Variants in ABR observed in about 807,000 individuals in gnomAD.
The protein encoded by ABR is ABR activator of RhoGEF and GTPase.
Under a neutral mutation model 107.2 loss-of-function variants are expected in ABR, and 35 were observed. That is an observed-to-expected ratio of 0.33 (90% CI 0.25 to 0.43). The LOEUF (loss-of-function observed/expected upper bound fraction) is 0.43, where lower values mean the gene tolerates loss of function less well. ABR is among the 20% of genes least tolerant of loss of function. The pLI is 1.00. For missense variants in ABR, 815 were observed against 1,115.2 expected, an observed-to-expected ratio of 0.73 and a Z score of 3.83; for synonymous variants, 498 against 462.0, an observed-to-expected ratio of 1.08 and a Z score of -1.00.
chr17:1,203,702 C>A (rs2042731890), intron 1 of ABR, among the ~76,000 whole-genome samples: 1 of 152,132 alleles, frequency 6.6e-6, no homozygotes, highest in Non-Finnish European at 1.5e-5. Context: ...CCTTCAGGGC[C>A]CGGGTCGTGT....
chr17:1,072,819 A>C (rs2035351406), intron 7 of ABR, 65 bp from the exon 8 acceptor site: 1 of 1,558,272 alleles, frequency 6.4e-7, no homozygotes, highest in Admixed American at 2.0e-5. Context: ...GCCACCGGGG[A>C]GTGCTCAGTC....
chr17:1,048,885 C>T (rs1186271485), intron 16 of ABR, among the ~76,000 whole-genome samples: 2 of 152,250 alleles, frequency 1.3e-5, no homozygotes, highest in African/African-American at 4.8e-5. Flanking sequence ...GGCTCAACCT[C>T]AGTACGGGTC....
At chr17:1,060,243 T>C (rs1473259048) in intron 10 of ABR, among the ~76,000 whole-genome samples, 4 of 152,016 alleles carry the variant, frequency 2.6e-5, no homozygotes, top group Admixed American at 6.6e-5. Context: ...AAACTCCGTC[T>C]CTACTAAAAA....
intron 21 of ABR, among the ~76,000 whole-genome samples, chr17:1,007,784 C>T (rs530108434): frequency 5.3e-5 from 8 of 152,350 alleles, no homozygotes; most frequent in South Asian, 4.1e-4. Context: ...ATTTGAACCC[C>T]GGTAGCTGCC....
intron 10 of ABR, among the ~76,000 whole-genome samples, chr17:1,065,789 AG>A (rs2034668031): frequency 7.5e-6 from 1 of 133,740 alleles, no homozygotes; most frequent in Admixed American, 9.0e-5. Context: ...TCTGTTGCTC[AG>A]GCTGGAGTGC....
chr17:1,049,563 C>T (rs1334709287), intron 16 of ABR, among the ~76,000 whole-genome samples: 1 of 152,168 alleles, frequency 6.6e-6, no homozygotes, highest in Non-Finnish European at 1.5e-5. Flanking sequence ...GGTCCGGCCA[C>T]CCTAACAACA....
At chr17:1,171,697 C>T (rs753910471) in intron 1 of ABR, among the ~76,000 whole-genome samples, 5 of 152,106 alleles carry the variant, frequency 3.3e-5, no homozygotes, top group Admixed American at 6.6e-5. Flanking sequence ...TTTGGGAGGC[C>T]GAGGTGGGCG....
chr17:1,075,266 G>A (rs1347426170), intron 6 of ABR, among the ~76,000 whole-genome samples: 1 of 152,240 alleles, frequency 6.6e-6, no homozygotes, highest in African/African-American at 2.4e-5. Flanking sequence ...CTGTCCCTGG[G>A]GTCATGACCT....
At chr17:1,019,877 C>A (rs541778635) in intron 16 of ABR, among the ~76,000 whole-genome samples, 3 of 152,290 alleles carry the variant, frequency 2.0e-5, no homozygotes, top group African/African-American at 7.2e-5. Context: ...GTCTGATCAC[C>A]TGAAGCAGGG....
At position 1,015,125 on chromosome 17, in the gene ABR, T is replaced by C. The variant is rs1004104615; in HGVS notation, c.1792-1961A>G. ...TAGTACCATGATTGGCAGTACATAA[T>C]TAAAAAGACAGCCAGGCACGGTGGC... On this transcript the variant is annotated intron_variant, in intron 16 of 22. Coordinates refer to ENST00000302538, the MANE Select transcript of ABR (RefSeq NM_021962.5). 2.6e-5 allele frequency among the ~76,000 whole-genome samples: 4 copies of C among 151,926 alleles called. No individual in the cohort carries two copies. The East Asian group carries it at 7.9e-4, about 30-fold the overall frequency.
At chr17:1,131,430 ACG>A (rs1258409389) in intron 1 of ABR, among the ~76,000 whole-genome samples, 3 of 37,936 alleles carry the variant, frequency 7.9e-5, no homozygotes, top group African/African-American at 2.0e-4. Context: ...AGTGCCTGCC[ACG>A]CGCACAGCTC....
At chr17:1,054,251 C>T (rs2032945518) in intron 14 of ABR, among the ~76,000 whole-genome samples, 1 of 152,236 alleles carries the variant, frequency 6.6e-6, no homozygotes, top group Non-Finnish European at 1.5e-5. Flanking sequence ...CGTCCACACG[C>T]CAGCCATGTT....
At position 1,078,723 on chromosome 17, in the gene ABR, C is replaced by G; in HGVS notation, c.700+607G>C. 7.2e-7 allele frequency: 1 copy of G among 1,383,576 alleles called. No homozygotes were observed. Among genetic ancestry groups the G allele is most frequent in the Non-Finnish European group, 9.8e-7 (1 of 1,018,480 alleles). 85.7% of individuals were successfully genotyped at this position (1,383,576 alleles called of 1,614,324 possible). On this transcript the variant is annotated intron_variant, in intron 6 of 22. Coordinates refer to ENST00000302538, the MANE Select transcript of ABR (RefSeq NM_021962.5). The surrounding 1 kb of genome is among the most constrained non-coding windows in gnomAD (Gnocchi z 7.5). ...TCGCCCACCCTCCTTCCCTGCGGCC[C>G]TCTAACCTCCCCGGCCACATCTAAG...
At chr17:1,108,693 C>A (rs1447679111) in intron 2 of ABR, among the ~76,000 whole-genome samples, 1 of 152,208 alleles carries the variant, frequency 6.6e-6, no homozygotes, top group Non-Finnish European at 1.5e-5. Context: ...TGACTCCTGG[C>A]ACAGCCGCCG....
Position 1,194,550 on chromosome 17 carries a change from G to A in ABR, c.838+34243C>T, listed in dbSNP as rs1423177449. On this transcript the variant is annotated intron_variant, in intron 1 of 22. Transcript: ENST00000574139. Reference sequence around the variant, plus strand: ...TCTATCGCCCAGACTGGAGTGTAGTGGTGCAATCATAGCTCACTACAGTCT... The same window carrying A: ...TCTATCGCCCAGACTGGAGTGTAGTAGTGCAATCATAGCTCACTACAGTCT... 3.9e-5 allele frequency among the ~76,000 whole-genome samples: 5 copies of A among 128,708 alleles called. 1 individual carries two copies. Among genetic ancestry groups the A allele is most frequent in the African/African-American group, 1.3e-4 (5 of 37,740 alleles). The allele number at this position is 128,708 out of a possible 152,430, so 84.4% of individuals were successfully genotyped here. A position where few individuals can be genotyped will look rare whatever the true frequency, so the allele number is the denominator to read the frequency against.
intron 1 of ABR, among the ~76,000 whole-genome samples, chr17:1,134,347 G>A (rs1279509111): frequency 1.3e-5 from 2 of 152,192 alleles, no homozygotes; most frequent in African/African-American, 2.4e-5. Flanking sequence ...AGGAGGCAGA[G>A]GTTGCAGTGA....
intron 16 of ABR, among the ~76,000 whole-genome samples, chr17:1,034,905 C>T (rs1256273573): frequency 3.3e-5 from 5 of 152,050 alleles, no homozygotes; most frequent in African/African-American, 1.2e-4. Context: ...TCCCAAGGCC[C>T]GGCACTCATC....
intron 1 of ABR, among the ~76,000 whole-genome samples, chr17:1,194,273 C>T (rs1343352306): frequency 2.0e-5 from 3 of 151,734 alleles, no homozygotes; most frequent in Admixed American, 6.6e-5. Context: ...CTGCAACCTC[C>T]GCCTCCCGGG....
chr17:1,209,103 A>C (rs2042854255), intron 1 of ABR, among the ~76,000 whole-genome samples: 1 of 152,140 alleles, frequency 6.6e-6, no homozygotes, highest in Admixed American at 6.6e-5. Flanking sequence ...GTTTGCCTTC[A>C]TGGTGCCTGA....
Sources: gnomAD v4.1 joint callset for allele counts (sites outside exome capture counted in the v4.1 genomes callset) on GRCh38, gnomAD v4.1.1 for gene constraint, Gnocchi (gnomAD v3.1) non-coding constraint, MANE v1.5 for transcripts, NCBI Gene and HGNC (gene_info 2026-07-23, HGNC 2026-07-21) for gene names.